The following ITGB1 variants were observed in gnomAD, a reference collection of about 807,000 sequenced individuals.
The protein encoded by ITGB1 is integrin beta-1.
A neutral mutation model predicts 86.5 loss-of-function variants in ITGB1; 24 were observed. The ratio of observed to expected loss-of-function variants is 0.28; its 90% confidence interval spans 0.20 to 0.39. ITGB1 has a LOEUF of 0.39. Among genes scored for constraint, ITGB1 ranks in the 10% least tolerant of loss-of-function variants. ITGB1 has a pLI of 1.00. For synonymous variants in ITGB1, 323 were observed against 316.8 expected (o/e 1.02, Z -0.21); for missense variants, 556 against 946.9 (o/e 0.59, Z 5.42).
intron 3 of ITGB1, among the ~76,000 whole-genome samples, chr10:32,931,780 T>C (rs892119553): frequency 6.6e-6 from 1 of 152,152 alleles, no homozygotes; most frequent in Non-Finnish European, 1.5e-5. Flanking sequence ...CCCCTTGATC[T>C]TCTGATATTA....
At chr10:32,938,554 C>T (rs1385214046) in intron 1 of ITGB1, among the ~76,000 whole-genome samples, 1 of 152,182 alleles carries the variant, frequency 6.6e-6, no homozygotes, top group Non-Finnish European at 1.5e-5. Context: ...TTCTATAAAC[C>T]TTGACAAGGC....
Position 32,923,607 on chromosome 10 carries a change from ATAT to A in ITGB1, c.917_919del (p.Asn306del). On this transcript the variant is annotated inframe_deletion, in exon 7 of 16. Coordinates refer to ENST00000302278, the MANE Select transcript of ITGB1 (RefSeq NM_002211.4). ...TACATAATAATGGCTCATTGTGTAC[ATAT>A]TATTTTCCAGGTGACATTGTCCATC... 1.2e-6 allele frequency: 2 copies of A among 1,613,648 alleles called. No homozygotes were observed. Among genetic ancestry groups the A allele is most frequent in the Non-Finnish European group, 8.5e-7 (1 of 1,179,734 alleles).
rs1339702145 is a variant in ITGB1 at position 32,928,120 on chromosome 10, C to T, written c.521G>A (p.Arg174Lys). The T allele has an allele frequency of 3.1e-6, 5 of 1,597,026 alleles. No homozygotes were observed. Among genetic ancestry groups the T allele is most frequent in the Non-Finnish European group, 4.3e-6 (5 of 1,168,958 alleles). ...SLGTDLMNEM[R>K]RITSDFRIGF... ...AATTCTGAAGTCCGAAGTAATCCTC[C>T]TCATTTCATTCATCAGATCTGTTCC... Residue 174 changes from arginine (R) to lysine (K), a missense_variant, in exon 5 of 16, where the codon AGG becomes AAG. By Grantham distance (26) the Arg-to-Lys change is conservative (BLOSUM62 2). Coordinates refer to ENST00000302278, the MANE Select transcript of ITGB1 (RefSeq NM_002211.4).
chr10:32,912,333 C>A (rs1456826678), intron 11 of ITGB1, among the ~76,000 whole-genome samples: 3 of 152,208 alleles, frequency 2.0e-5, no homozygotes, highest in African/African-American at 7.2e-5. Flanking sequence ...TGAGCCGAAG[C>A]AGGGCGGGGC....
intron 7 of ITGB1, 132 bp from the exon 8 acceptor site, chr10:32,922,867 A>C (rs2094954416): frequency 7.0e-6 from 4 of 567,406 alleles, no homozygotes; most frequent in Non-Finnish European, 9.4e-6. Flanking sequence ...TAGATTACAT[A>C]TATAATCCAT....
At chr10:32,951,037 C>T (rs1049142464) in intron 1 of ITGB1, among the ~76,000 whole-genome samples, 3 of 151,954 alleles carry the variant, frequency 2.0e-5, no homozygotes, top group African/African-American at 7.2e-5. Context: ...AAAGATAATA[C>T]GTTGGGGGTA....
chr10:32,956,514 C>A (rs2095052566), intron 1 of ITGB1, among the ~76,000 whole-genome samples: 2 of 152,002 alleles, frequency 1.3e-5, no homozygotes, highest in Non-Finnish European at 2.9e-5. Flanking sequence ...TTGAGGCCAG[C>A]CTGGGCAGCA....
intron 2 of ITGB1, among the ~76,000 whole-genome samples, chr10:32,934,836 C>G (rs2488331): frequency 6.6e-6 from 1 of 151,904 alleles, no homozygotes; most frequent in African/African-American, 2.4e-5. Flanking sequence ...TTTGTTATTA[C>G]TGATTTTATG....
intron 8 of ITGB1, 51 bp downstream of exon 8, chr10:32,922,589 C>A (rs779857649): frequency 1.7e-6 from 2 of 1,191,054 alleles, no homozygotes; most frequent in East Asian, 2.4e-5. Flanking sequence ...TGATTTGCCT[C>A]TAACAATCAA....
chr10:32,920,194 T>G (rs1489805248), intron 10 of ITGB1, 51 bp downstream of exon 10: 3 of 1,583,970 alleles, frequency 1.9e-6, no homozygotes, highest in Admixed American at 1.8e-5. Flanking sequence ...TAAACTAAAT[T>G]TGCTTATAAA....
chr10:32,931,518 A>G (rs942477282), intron 3 of ITGB1, among the ~76,000 whole-genome samples: 31 of 152,164 alleles, frequency 2.0e-4, no homozygotes, highest in African/African-American at 6.5e-4. Context: ...GAAAACCAAG[A>G]GCTTCAGTTA....
chr10:32,937,123 T>C (rs1387781155), intron 1 of ITGB1, among the ~76,000 whole-genome samples: 1 of 152,186 alleles, frequency 6.6e-6, no homozygotes, highest in African/African-American at 2.4e-5. Flanking sequence ...GTGACACACA[T>C]ATACACACAC....
At chr10:32,943,332 A>G (rs1484478764) in intron 1 of ITGB1, among the ~76,000 whole-genome samples, 1 of 152,218 alleles carries the variant, frequency 6.6e-6, no homozygotes, top group East Asian at 1.9e-4. Flanking sequence ...CAGATAAACT[A>G]AATGTTTATT....
intron 1 of ITGB1, among the ~76,000 whole-genome samples, chr10:32,954,720 C>T (rs1410675817): frequency 1.3e-5 from 2 of 152,120 alleles, no homozygotes; most frequent in Non-Finnish European, 2.9e-5. Flanking sequence ...ATAAGAAATA[C>T]ATACATATAT....
At chr10:32,912,262 A>G (rs2094915762) in intron 11 of ITGB1, 138 bp from the exon 12 acceptor site, 5 of 678,250 alleles carry the variant, frequency 7.4e-6, no homozygotes, top group African/African-American at 5.4e-5. Flanking sequence ...TGCATTTCCA[A>G]CTGAGGTACT....
intron 1 of ITGB1, among the ~76,000 whole-genome samples, chr10:32,941,180 A>G (rs1000551523): frequency 6.6e-6 from 1 of 152,136 alleles, no homozygotes; most frequent in Non-Finnish European, 1.5e-5. Flanking sequence ...GCATATACAA[A>G]GCCATGAAGT....
At position 32,919,868 on chromosome 10, in the gene ITGB1, G is replaced by T. The variant is rs753045262; in HGVS notation, c.1469+17C>A. Reference sequence around the variant, plus strand: ...AACCAATGTAGCTCTGTCACTGTCTGACAACACCCAGCTTACCTGCACGCG... The same window carrying T: ...AACCAATGTAGCTCTGTCACTGTCTTACAACACCCAGCTTACCTGCACGCG... On this transcript the variant is annotated intron_variant, in intron 11 of 15. Transcript: ENST00000302278. 1 of 1,611,756 alleles carries T rather than the reference G, an allele frequency of 6.2e-7. No homozygotes were observed.
In ITGB1 at chr10:32,948,971, G is replaced by GAAAAAAAAAAA. The variant is rs71299726; in HGVS notation, c.-1+9163_-1+9173dup. Reference sequence around the variant, plus strand: ...GGACTGCTGCTCACTGTGGATTACTGAAAAAAAAAAAAAGACTGACTTCTC... The same window carrying GAAAAAAAAAAA: ...GGACTGCTGCTCACTGTGGATTACTGAAAAAAAAAAAAAAAAAAAAAAAAGACTGACTTCTC... On this transcript the variant is annotated intron_variant, in intron 1 of 15. Transcript: ENST00000302278. 9.9e-5 allele frequency among the ~76,000 whole-genome samples: 12 copies of GAAAAAAAAAAA among 121,382 alleles called. 1 individual carries two copies. Among genetic ancestry groups the GAAAAAAAAAAA allele is most frequent in the African/African-American group, 1.1e-4 (4 of 35,170 alleles). 79.6% of individuals were successfully genotyped at this position (121,382 alleles called of 152,430 possible). A position where few individuals can be genotyped will look rare whatever the true frequency, so the allele number is the denominator to read the frequency against.
In ITGB1 at chr10:32,910,534, A is replaced by G. The variant is rs1401753337; in HGVS notation, c.1932-79T>C. The G allele has an allele frequency of 3.1e-6, 3 of 982,726 alleles. No individual in the cohort carries two copies. In the East Asian group the frequency reaches 7.8e-5, roughly 26 times the overall value. 60.9% of individuals were successfully genotyped at this position (982,726 alleles called of 1,614,324 possible). A position where few individuals can be genotyped will look rare whatever the true frequency, so the allele number is the denominator to read the frequency against. ...TTTGCTTAAACATATTTCCCATGCTAAACTCTTGTGACCAAATTGAACAAA... is the reference window on the plus strand; with the variant it reads ...TTTGCTTAAACATATTTCCCATGCTGAACTCTTGTGACCAAATTGAACAAA... On this transcript the variant is annotated intron_variant, in intron 13 of 15. Coordinates refer to ENST00000302278, the MANE Select transcript of ITGB1 (RefSeq NM_002211.4).
Sources: gnomAD v4.1 joint callset for allele counts (sites outside exome capture counted in the v4.1 genomes callset) on GRCh38, gnomAD v4.1.1 for gene constraint, MANE v1.5 for transcripts, NCBI Gene and HGNC (gene_info 2026-07-23, HGNC 2026-07-21) for gene names.